ATL1: variants seen among roughly 807,000 people sequenced by gnomAD.
ATL1 encodes the protein atlastin GTPase 1.
ATL1 carries 31 observed loss-of-function variants against 75.5 expected under a neutral mutation model. The ratio of observed to expected loss-of-function variants is 0.41; its 90% CI spans 0.31 to 0.55. The LOEUF (loss-of-function observed/expected upper bound fraction) is 0.55. ATL1 is among the 20% of genes least tolerant of loss of function. The pLI is 0.27. For missense variants in ATL1, 405 were observed against 662.6 expected, an observed-to-expected ratio of 0.61 and a Z score of 4.27; for synonymous variants, 226 against 233.3, an observed-to-expected ratio of 0.97 and a Z score of 0.28.
At chr14:50,597,230 A>AAAAAAAAG (rs1217697583) in intron 6 of ATL1, among the ~76,000 whole-genome samples, 3 of 149,256 alleles carry the variant, frequency 2.0e-5, no homozygotes, top group African/African-American at 7.5e-5. Flanking sequence ...CAAAAAAAAA[A>AAAAAAAAG]AAAGAAAAAA....
In ATL1 at chr14:50,632,604, C is replaced by T; in HGVS notation, c.*265C>T. ...TAAAGTATTTGTCTATTTATGATAA[C>T]AGTACACGTGTTCTGCTTGAATTTA... On this transcript the variant is annotated 3_prime_UTR_variant, in exon 14 of 14. Transcript: ENST00000358385. 1 of 340,964 alleles carries T rather than the reference C, an allele frequency of 2.9e-6. No homozygotes were observed. The highest frequency in any genetic ancestry group is 2.8e-5 in the South Asian group (1 of 35,748). 21.1% of individuals were successfully genotyped at this position (340,964 alleles called of 1,614,324 possible). A position where few individuals can be genotyped will look rare whatever the true frequency, so the allele number is the denominator to read the frequency against.
chr14:50,632,056 C>G (rs2039586569), intron 13 of ATL1, 173 bp from the exon 14 acceptor site: 1 of 497,624 alleles, frequency 2.0e-6, no homozygotes, highest in Admixed American at 3.4e-5. Flanking sequence ...TTAATGCACA[C>G]ATTGAGGAGT....
In ATL1 at chr14:50,613,252, T is replaced by A. The variant is rs186528086; in HGVS notation, c.631-7T>A. On this transcript the variant is annotated splice_polypyrimidine_tract_variant and splice_region_variant and intron_variant, in intron 6 of 13. Coordinates refer to ENST00000358385, the MANE Select transcript of ATL1 (RefSeq NM_015915.5). ...CCTCATATCAATCCTTTCTTATTAT[T>A]TTTTAGAGTCTGATATTTCTTGTTC... 185 of 1,609,290 alleles carry A rather than the reference T, an allele frequency of 1.1e-4. No individual in the cohort carries two copies. The African/African-American group carries it at 2.1e-3, about 18-fold the overall frequency.
intron 1 of ATL1, among the ~76,000 whole-genome samples, chr14:50,565,498 T>A (rs1435497055): frequency 8.1e-6 from 1 of 124,062 alleles, no homozygotes; most frequent in Non-Finnish European, 1.8e-5. Flanking sequence ...AAAAAAAAAA[T>A]TCTACTGGGT....
At chr14:50,599,983 CTT>C (rs57973857) in intron 6 of ATL1, among the ~76,000 whole-genome samples, 39 of 143,774 alleles carry the variant, frequency 2.7e-4, no homozygotes, top group African/African-American at 3.5e-4. Context: ...ACTCTGTTGT[CTT>C]TTTTTTTTTT....
At chr14:50,591,128 A>G in intron 3 of ATL1, 53 bp downstream of exon 3, 1 of 1,560,964 alleles carries the variant, frequency 6.4e-7, no homozygotes. Context: ...AACAGTTACT[A>G]CTTTTTAGGA....
In ATL1 at chr14:50,627,880, G is replaced by A. The variant is rs533292988; in HGVS notation, c.1120-151G>A. The A allele has an allele frequency of 8.4e-6, 6 of 711,406 alleles. No individual in the cohort carries two copies. The African/African-American group carries it at 1.1e-4, about 13-fold the overall frequency. 44.1% of individuals were successfully genotyped at this position (711,406 alleles called of 1,614,324 possible). On this transcript the variant is annotated intron_variant, in intron 11 of 13. Coordinates refer to ENST00000358385, the MANE Select transcript of ATL1 (RefSeq NM_015915.5). Reference sequence around the variant, plus strand: ...ATTTATAGTCATGCCTCGTGGATAGGGGGTGGAAAGATGTGGGCTGACAAA... The same window carrying A: ...ATTTATAGTCATGCCTCGTGGATAGAGGGTGGAAAGATGTGGGCTGACAAA...
At chr14:50,592,913 C>CAA (rs1172812271) in intron 4 of ATL1, among the ~76,000 whole-genome samples, 6,379 of 84,952 alleles carry the variant, frequency 0.075, 194 homozygotes, top group Non-Finnish European at 0.089. Context: ...ACTCCCGTCT[C>CAA]AAAAAAAAAA....
At chr14:50,603,814 A>C (rs772475652) in intron 6 of ATL1, among the ~76,000 whole-genome samples, 1 of 152,182 alleles carries the variant, frequency 6.6e-6, no homozygotes, top group Non-Finnish European at 1.5e-5. Flanking sequence ...AAAGGAAATG[A>C]TATGAAAAAA....
intron 11 of ATL1, among the ~76,000 whole-genome samples, chr14:50,625,288 T>C (rs975194550): frequency 6.6e-6 from 1 of 152,124 alleles, no homozygotes; most frequent in East Asian, 1.9e-4. Context: ...GAAGAAAAGT[T>C]GGAAGCTAGC....
chr14:50,555,823 A>G (rs1301302352), upstream of ATL1, among the ~76,000 whole-genome samples: 1 of 152,198 alleles, frequency 6.6e-6, no homozygotes, highest in Non-Finnish European at 1.5e-5. Flanking sequence ...TGGTTAAGCC[A>G]TTTTGTGTTA....
At chr14:50,603,568 CAATT>C (rs2039290391) in intron 6 of ATL1, among the ~76,000 whole-genome samples, 1 of 152,152 alleles carries the variant, frequency 6.6e-6, no homozygotes, top group Non-Finnish European at 1.5e-5. Flanking sequence ...CTACACAGGA[CAATT>C]AGGAATTATT....
intron 1 of ATL1, among the ~76,000 whole-genome samples, chr14:50,548,251 G>T (rs1433056820): frequency 1.3e-5 from 2 of 152,218 alleles, no homozygotes; most frequent in Non-Finnish European, 2.9e-5. Flanking sequence ...GGCTACTGGA[G>T]GATATTCATT....
At position 50,591,015 on chromosome 14, in the gene ATL1, G is replaced by C. The variant is rs2039151070; in HGVS notation, c.357G>C (p.Glu119Asp). The C allele has an allele frequency of 6.2e-7, 1 of 1,613,752 alleles. No homozygotes were observed. The highest frequency in any genetic ancestry group is 8.5e-7 in the Non-Finnish European group (1 of 1,179,786). ...CATGGAGAGGTGGATCTGAGCGAGA[G>C]ACCACAGGAATTCAGATATGGAGTG... The part of the protein sequence containing the change: ...GFSWRGGSER[E>D]TTGIQIWSEI... The change falls in exon 3 of 14, where the codon GAG (glutamate) becomes GAC (aspartate). Residue 119 changes from glutamate (E) to aspartate (D), a missense_variant. Glu to Asp is a conservative substitution (Grantham distance 45, BLOSUM62 2). Coordinates refer to ENST00000358385, the MANE Select transcript of ATL1 (RefSeq NM_015915.5).
intron 1 of ATL1, among the ~76,000 whole-genome samples, chr14:50,545,669 G>A (rs1484349865): frequency 6.6e-6 from 1 of 152,162 alleles, no homozygotes; most frequent in African/African-American, 2.4e-5. Context: ...GTTAAGGGAG[G>A]AGCTGCAGTT....
At chr14:50,606,568 T>C (rs907226911) in intron 6 of ATL1, among the ~76,000 whole-genome samples, 5 of 151,860 alleles carry the variant, frequency 3.3e-5, no homozygotes, top group African/African-American at 4.8e-5. Context: ...AGACAGAGAG[T>C]GTCCTCTTGA....
chr14:50,619,567 T>C (rs1340415826), intron 8 of ATL1, among the ~76,000 whole-genome samples: 1 of 152,240 alleles, frequency 6.6e-6, no homozygotes, highest in East Asian at 1.9e-4. Flanking sequence ...AAGACTTCTC[T>C]CGTGATCTGT....
At chr14:50,552,525 G>GT (rs1314668115) in intron 1 of ATL1, among the ~76,000 whole-genome samples, 2 of 151,980 alleles carry the variant, frequency 1.3e-5, no homozygotes, top group East Asian at 3.9e-4. Context: ...CCTAAAATTT[G>GT]TATGGAACCA....
At chr14:50,592,069 T>G (rs1447003556) in intron 4 of ATL1, among the ~76,000 whole-genome samples, 1 of 152,200 alleles carries the variant, frequency 6.6e-6, no homozygotes, top group African/African-American at 2.4e-5. Context: ...GTTCATAGCT[T>G]TTAAAAACAC....
Sources: gnomAD v4.1 joint callset for allele counts (sites outside exome capture counted in the v4.1 genomes callset) on GRCh38, gnomAD v4.1.1 for gene constraint, MANE v1.5 for transcripts, NCBI Gene and HGNC (gene_info 2026-07-23, HGNC 2026-07-21) for gene names.